Variants in CUBN observed in about 807,000 individuals in gnomAD.
CUBN encodes 460 kDa receptor.
CUBN carries 282 observed loss-of-function variants against 405.3 expected under a neutral mutation model. That is an observed-to-expected ratio of 0.70 (90% CI 0.63 to 0.77). CUBN has a LOEUF of 0.77. Ranked by LOEUF, CUBN falls within the 30% of genes least tolerant of loss-of-function variation. The probability of loss-of-function intolerance (pLI) is 0.00; values close to 1 mark genes in which losing one functional copy is unlikely to be tolerated. For missense variants in CUBN, 4,514 were observed against 4,475.2 expected (o/e 1.01, Z -0.25); for synonymous variants, 1,684 against 1,617.0 (o/e 1.04, Z -0.99).
chr10:16,933,332 C>G, intron 39 of CUBN, 48 bp from the exon 40 acceptor site: 1 of 1,546,542 alleles, frequency 6.5e-7, no homozygotes. Flanking sequence ...ATGGAAAAGA[C>G]GCTAGCTAGC....
At chr10:16,859,665 A>G (rs1839961676) in intron 59 of CUBN, among the ~76,000 whole-genome samples, 1 of 152,206 alleles carries the variant, frequency 6.6e-6, no homozygotes, top group Non-Finnish European at 1.5e-5. Context: ...GTCATTTTCG[A>G]AAAACAAAAA....
In CUBN at chr10:16,948,478, C is replaced by A; in HGVS notation, c.5209G>T (p.Ala1737Ser). 1.2e-6 allele frequency: 2 copies of A among 1,613,828 alleles called. No homozygotes were observed. Among genetic ancestry groups the A allele is most frequent in the East Asian group, 4.5e-5 (2 of 44,856 alleles). The change falls in exon 35 of 67, where the codon GCT (alanine) becomes TCT (serine). Residue 1737 changes from alanine (A) to serine (S), a missense_variant and splice_region_variant. By Grantham distance (99) the Ala-to-Ser change is moderately conservative (BLOSUM62 1). This residue lies in a region of CUBN where 1,613 missense variants were observed against 1,542.8 expected (regional missense o/e 1.05). Coordinates refer to ENST00000377833, the MANE Select transcript of CUBN (RefSeq NM_001081.4). ...AGAGTCAGGTGCTAGGGTTTCTTAC[C>A]CGACACTGATGCGGTGACCGTGGTG... is the stretch of plus-strand genomic sequence containing the variant. ...FHTTVTASVS[A>S]CGGTFYMAEG...
chr10:16,929,193 A>G (rs1243596761), intron 40 of CUBN, among the ~76,000 whole-genome samples: 1 of 152,212 alleles, frequency 6.6e-6, no homozygotes, highest in South Asian at 2.1e-4. Flanking sequence ...ATTTGTGTGG[A>G]GGGTGAGAGA....
At chr10:17,105,333 G>C in intron 11 of CUBN, 124 bp downstream of exon 11, 1 of 771,668 alleles carries the variant, frequency 1.3e-6, no homozygotes, top group Non-Finnish European at 2.4e-6. Context: ...GAGAGTTCTC[G>C]ACAGTTCCTT....
chr10:17,105,896 C>T (rs1192979900), intron 10 of CUBN, among the ~76,000 whole-genome samples: 1 of 152,196 alleles, frequency 6.6e-6, no homozygotes, highest in African/African-American at 2.4e-5. Flanking sequence ...AGACATTCCT[C>T]ATCATGGAGG....
Position 16,900,677 on chromosome 10 carries a change from G to A in CUBN, c.8358C>T (p.Asp2786=), listed in dbSNP as rs765707495. ...SNQLVVTFNS[D]HSLQGGGFYA... ...AAAATCCACCACCTTGCAATGAATG[G>A]TCTGAGTTAAAAGTCACGACCAGCT... is the stretch of plus-strand genomic sequence containing the variant. Residue 2786 remains aspartate, a synonymous_variant, in exon 53 of 67, where the codon GAC becomes GAT. Transcript: ENST00000377833. 4.3e-6 allele frequency: 7 copies of A among 1,614,026 alleles called. No homozygotes were observed. In the South Asian group the frequency reaches 4.4e-5, roughly 10 times the overall value.
intron 48 of CUBN, among the ~76,000 whole-genome samples, chr10:16,908,523 T>G (rs1420855526): frequency 6.6e-6 from 1 of 152,234 alleles, no homozygotes; most frequent in African/African-American, 2.4e-5. Flanking sequence ...AGTTCTTTCC[T>G]CATTAGTTAT....
chr10:16,845,447 T>C (rs1034045193), intron 60 of CUBN, among the ~76,000 whole-genome samples: 10 of 152,140 alleles, frequency 6.6e-5, no homozygotes, highest in African/African-American at 1.9e-4. Flanking sequence ...TAATTTAGTA[T>C]GGGAAGAAGA....
rs1455628637 is a variant in CUBN at position 16,925,903 on chromosome 10, C to A, written c.6272-129G>T. 5.1e-6 allele frequency: 4 copies of A among 788,480 alleles called. No homozygotes were observed. The Admixed American group carries it at 8.0e-5, about 16-fold the overall frequency. The allele number at this position is 788,480 out of a possible 1,614,324, so 48.8% of individuals were successfully genotyped here. A position where few individuals can be genotyped will look rare whatever the true frequency, so the allele number is the denominator to read the frequency against. On this transcript the variant is annotated intron_variant, in intron 41 of 66. Coordinates refer to ENST00000377833, the MANE Select transcript of CUBN (RefSeq NM_001081.4). ...AATGCTTGAAAATAAAGCCAGAGTG[C>A]AGGAAATGATTATCATAACAAGCAT...
chr10:16,839,100 T>C (rs1232690211), intron 62 of CUBN, among the ~76,000 whole-genome samples: 2 of 152,192 alleles, frequency 1.3e-5, no homozygotes, highest in East Asian at 3.9e-4. Flanking sequence ...CCAAGCATGG[T>C]CCATGGAGTT....
chr10:16,886,850 A>G (rs1466491363), intron 56 of CUBN, among the ~76,000 whole-genome samples: 1 of 152,216 alleles, frequency 6.6e-6, no homozygotes. Context: ...GTGCAATGGC[A>G]TGATCTAGGC....
chr10:17,093,530 T>C (rs1173710034), intron 14 of CUBN, among the ~76,000 whole-genome samples: 2 of 152,164 alleles, frequency 1.3e-5, no homozygotes, highest in African/African-American at 2.4e-5. Context: ...CTTGATTGAA[T>C]GAAAGTGATC....
intron 28 of CUBN, among the ~76,000 whole-genome samples, chr10:17,007,594 C>T (rs989058653): frequency 2.0e-5 from 3 of 149,256 alleles, no homozygotes; most frequent in Non-Finnish European, 3.0e-5. Context: ...GTTTGGAGAT[C>T]GTACTGCACA....
chr10:16,950,267 G>T (rs546339101), intron 33 of CUBN, among the ~76,000 whole-genome samples, 156 bp from the exon 34 acceptor site: 1 of 152,124 alleles, frequency 6.6e-6, no homozygotes, highest in South Asian at 2.1e-4. Context: ...AATTGTAGTC[G>T]ATAATAACTT....
At chr10:17,069,883 T>C (rs1835699584) in intron 19 of CUBN, among the ~76,000 whole-genome samples, 1 of 152,226 alleles carries the variant, frequency 6.6e-6, no homozygotes, top group Admixed American at 6.5e-5. Context: ...GTTTTTAATT[T>C]TGAGGAAGTT....
rs1005577646 is a variant in CUBN, at chr10:16,874,452, T to A, written c.9158A>T (p.Tyr3053Phe). The A allele has an allele frequency of 1.9e-6, 3 of 1,614,014 alleles. No homozygotes were observed. The highest frequency in any genetic ancestry group is 2.5e-6 in the Non-Finnish European group (3 of 1,179,976). ...ATCATTTGGGTAGTCTGCGTATGAA[T>A]AGGCAGGACTTGTGATGATTCCAGA... The part of the protein sequence containing the change: ...FSSGIITSPA[Y>F]SYADYPNDMH... The change falls in exon 58 of 67, where the codon TAT (tyrosine) becomes TTT (phenylalanine). Residue 3053 changes from tyrosine (Y) to phenylalanine (F), a missense_variant. Physicochemically the swap from Tyr to Phe is conservative, Grantham distance 22. Transcript: ENST00000377833.
Position 16,888,507 on chromosome 10 carries a change from G to A in CUBN, c.8815C>T (p.Gln2939Ter). The change falls in exon 56 of 67, where the codon CAA (glutamine) becomes TAA (stop). Residue 2939 changes from glutamine to a stop codon, truncating the protein, a stop_gained. Transcript: ENST00000377833. LOFTEE classifies it high-confidence loss of function. ...GYIISPNYPK[Q>*]YDNNMNCTYV... ...GTGCAATTCATGTTGTTGTCATATT[G>A]TTTTGGGTAATTTGGAGAAATGATG... The A allele has an allele frequency of 6.2e-7, 1 of 1,613,472 alleles. No individual in the cohort carries two copies. Among genetic ancestry groups the A allele is most frequent in the Non-Finnish European group, 8.5e-7 (1 of 1,179,506 alleles).
chr10:17,122,288 CTTCA>C (rs35624536), intron 6 of CUBN: 26,700 of 224,286 alleles, frequency 0.12, 1,872 homozygotes, highest in Middle Eastern at 0.23. Context: ...GAGAGAGTTA[CTTCA>C]TTCATTGAAC....
intron 15 of CUBN, among the ~76,000 whole-genome samples, chr10:17,086,036 G>T (rs1049795262): frequency 6.7e-6 from 1 of 149,710 alleles, no homozygotes; most frequent in African/African-American, 2.5e-5. Flanking sequence ...TGCGATCTCA[G>T]CTGACTGCAA....
Sources: allele counts gnomAD v4.1 joint callset (sites outside exome capture counted in the v4.1 genomes callset), GRCh38; gene constraint gnomAD v4.1.1; regional missense constraint gnomAD v4.1.1; transcripts MANE v1.5; gene names NCBI Gene and HGNC (gene_info 2026-07-23, HGNC 2026-07-21).